DPP6: variants seen among roughly 807,000 people sequenced by gnomAD.
DPP6 encodes A-type potassium channel modulatory protein DPP6.
DPP6 carries 69 observed loss-of-function variants against 122.6 expected under a neutral mutation model. That is an observed-to-expected ratio of 0.56 (90% CI 0.46 to 0.69). DPP6 has a LOEUF of 0.69. Ranked by LOEUF, DPP6 falls within the 30% of genes least tolerant of loss-of-function variation. The pLI is 0.00. For missense variants in DPP6, 928 were observed against 1,116.9 expected, an observed-to-expected ratio of 0.83 and a Z score of 2.41; for synonymous variants, 418 against 433.1, an observed-to-expected ratio of 0.97 and a Z score of 0.43.
intron 8 of DPP6, among the ~76,000 whole-genome samples, chr7:154,736,606 G>C (rs1842579800): frequency 2.0e-5 from 3 of 152,174 alleles, no homozygotes; most frequent in African/African-American, 4.8e-5. Flanking sequence ...CACAGACGAG[G>C]CTACTGACAT....
intron 1 of DPP6, among the ~76,000 whole-genome samples, chr7:154,072,515 C>T (rs1292059636): frequency 6.6e-6 from 1 of 152,254 alleles, no homozygotes; most frequent in Non-Finnish European, 1.5e-5. Flanking sequence ...GCACAGATCT[C>T]CCTGCTGAGA....
chr7:153,907,964 A>T (rs143069641), intron 1 of DPP6, among the ~76,000 whole-genome samples: 1 of 151,886 alleles, frequency 6.6e-6, no homozygotes, highest in Non-Finnish European at 1.5e-5. Flanking sequence ...ATGGAAATAG[A>T]CACAGATTTG....
At position 154,892,474 on chromosome 7, in the gene DPP6, G is replaced by A; in HGVS notation, c.2592G>A (p.Glu864=). ...LTVTAKEDEE[E]D ...TCACAGCGAAAGAGGACGAGGAGGA[G>A]GACTAAGCTCAGGTCGCTCTAAGCA... is the stretch of plus-strand genomic sequence containing the variant. The change falls in exon 26 of 26, where the codon GAG becomes GAA. Residue 864 remains glutamate, a synonymous_variant. Coordinates refer to ENST00000377770, the MANE Select transcript of DPP6 (RefSeq NM_130797.4). The A allele has an allele frequency of 6.2e-7, 1 of 1,613,996 alleles. No individual in the cohort carries two copies. The highest frequency in any genetic ancestry group is 1.1e-5 in the South Asian group (1 of 91,072).
At chr7:154,542,551 G>T (rs1586584349) in intron 4 of DPP6, among the ~76,000 whole-genome samples, 1 of 152,288 alleles carries the variant, frequency 6.6e-6, no homozygotes, top group East Asian at 1.9e-4. Context: ...TTTAACTGAA[G>T]TTATTTTAGC....
the DPP6 span, among the ~76,000 whole-genome samples, chr7:153,878,640 C>A: frequency 1.7e-4 from 26 of 152,010 alleles, no homozygotes; most frequent in East Asian, 5.1e-3. Flanking sequence ...AAGAATGCAC[C>A]AAGAAATCTT....
At chr7:154,391,675 C>T (rs531455377) in intron 1 of DPP6, among the ~76,000 whole-genome samples, 1 of 152,274 alleles carries the variant, frequency 6.6e-6, no homozygotes, top group African/African-American at 2.4e-5. Flanking sequence ...CTCACCAGCT[C>T]CTCTTGTTCA....
chr7:154,873,513 C>T (rs1804564660), intron 19 of DPP6, among the ~76,000 whole-genome samples: 1 of 152,188 alleles, frequency 6.6e-6, no homozygotes, highest in Non-Finnish European at 1.5e-5. Context: ...CAACTACCCC[C>T]TGAGTAAACG....
chr7:154,295,377 C>A (rs1805471254), intron 1 of DPP6, among the ~76,000 whole-genome samples: 2 of 152,148 alleles, frequency 1.3e-5, no homozygotes. Context: ...ATCTGTGTGA[C>A]CTTCGACAAC....
chr7:154,545,883 A>G (rs1829144315), intron 4 of DPP6, among the ~76,000 whole-genome samples: 1 of 152,192 alleles, frequency 6.6e-6, no homozygotes, highest in African/African-American at 2.4e-5. Flanking sequence ...GGCCCTTTTT[A>G]TTGACAATGC....
chr7:153,794,090 G>A, the DPP6 span, among the ~76,000 whole-genome samples: 9 of 152,194 alleles, frequency 5.9e-5, no homozygotes, highest in Admixed American at 2.0e-4. Flanking sequence ...ATGTGGGATC[G>A]GAGCCCCCAC....
the DPP6 span, among the ~76,000 whole-genome samples, chr7:153,822,174 G>A: frequency 7.9e-6 from 1 of 126,524 alleles, no homozygotes; most frequent in Non-Finnish European, 1.6e-5. Context: ...TAGGAAAGGG[G>A]GGGAATCTTT....
chr7:154,564,114 G>C (rs557886478), intron 4 of DPP6, among the ~76,000 whole-genome samples: 1 of 152,294 alleles, frequency 6.6e-6, no homozygotes, highest in African/African-American at 2.4e-5. Flanking sequence ...GAGGAGTAGA[G>C]AGACTGGTCA....
At chr7:153,890,252 G>T (rs1219521749) in intron 1 of DPP6, among the ~76,000 whole-genome samples, 2 of 152,202 alleles carry the variant, frequency 1.3e-5, no homozygotes, top group Admixed American at 6.5e-5. Context: ...AAAGATCTCT[G>T]AGCTGTCTGG....
intron 1 of DPP6, among the ~76,000 whole-genome samples, chr7:154,197,324 T>C (rs1798920589): frequency 6.6e-6 from 1 of 152,048 alleles, no homozygotes; most frequent in South Asian, 2.1e-4. Context: ...AGCTTCCTTG[T>C]GGACAAGAAG....
chr7:154,349,119 G>A (rs1810630969), intron 1 of DPP6, among the ~76,000 whole-genome samples: 2 of 152,218 alleles, frequency 1.3e-5, no homozygotes, highest in South Asian at 4.1e-4. Flanking sequence ...AGTGAGGAAG[G>A]GGGTGACATG....
intron 1 of DPP6, among the ~76,000 whole-genome samples, chr7:154,413,103 A>G (rs1816752036): frequency 1.3e-5 from 2 of 152,204 alleles, no homozygotes; most frequent in Admixed American, 1.3e-4. Flanking sequence ...ACTGACCTCC[A>G]GGCTTAGGAA....
intron 1 of DPP6, among the ~76,000 whole-genome samples, chr7:154,076,437 C>T (rs1198189608): frequency 6.6e-6 from 1 of 150,804 alleles, no homozygotes; most frequent in Admixed American, 6.6e-5. Context: ...GTGACGAGGG[C>T]AAAACTCCAT....
the DPP6 span, among the ~76,000 whole-genome samples, chr7:153,780,774 A>C: frequency 9.1e-3 from 1,385 of 152,246 alleles, 18 homozygotes; most frequent in African/African-American, 0.032. Context: ...AGGAAATGTT[A>C]CAGTGGCCAG....
chr7:154,555,442 A>G (rs1243298145), intron 4 of DPP6, among the ~76,000 whole-genome samples: 1 of 151,992 alleles, frequency 6.6e-6, no homozygotes, highest in Non-Finnish European at 1.5e-5. Flanking sequence ...CAGGAAGGGG[A>G]ACATCACACA....
Sources: allele counts gnomAD v4.1 joint callset (sites outside exome capture counted in the v4.1 genomes callset), GRCh38; gene constraint gnomAD v4.1.1; transcripts MANE v1.5; gene names NCBI Gene and HGNC (gene_info 2026-07-23, HGNC 2026-07-21).